DLGAP2: variants seen among roughly 807,000 people sequenced by gnomAD.
DLGAP2 encodes the protein DLG associated protein 2, also known as disks large-associated protein 2.
DLGAP2 carries 26 observed loss-of-function variants against 100.3 expected under a neutral mutation model. That is an observed-to-expected ratio of 0.26 (90% CI 0.19 to 0.36). The LOEUF is 0.36. DLGAP2 is among the 10% of genes least tolerant of loss of function. The pLI is 1.00. For synonymous variants in DLGAP2, 886 were observed against 630.1 expected (o/e 1.41, Z -6.08); for missense variants, 1,858 against 1,453.2 (o/e 1.28, Z -4.53).
At chr8:1,202,459 T>C (rs550592885) in intron 2 of DLGAP2, among the ~76,000 whole-genome samples, 2 of 152,264 alleles carry the variant, frequency 1.3e-5, no homozygotes, top group African/African-American at 4.8e-5. Flanking sequence ...GGGTTTCTTA[T>C]AATGGGGAAT....
intron 2 of DLGAP2, among the ~76,000 whole-genome samples, chr8:1,165,881 C>T (rs1473727601): frequency 2.0e-5 from 3 of 151,872 alleles, no homozygotes; most frequent in Non-Finnish European, 1.5e-5. Context: ...TTCAGGGAGG[C>T]TTCATAGATG....
At chr8:1,566,809 G>T (rs1022272042) in intron 6 of DLGAP2, among the ~76,000 whole-genome samples, 4 of 152,184 alleles carry the variant, frequency 2.6e-5, no homozygotes, top group Non-Finnish European at 4.4e-5. Context: ...TGGCTTACAA[G>T]ATGAAAAAGT....
intron 2 of DLGAP2, among the ~76,000 whole-genome samples, chr8:1,067,604 CGTGTGT>C (rs3220190): frequency 0.2 from 28,526 of 140,264 alleles, 2,886 homozygotes; most frequent in Non-Finnish European, 0.24. Context: ...GGTTGAGTGA[CGTGTGT>C]GTGTGTGTGT....
At chr8:1,507,557 C>G (rs1020335647) in intron 4 of DLGAP2, among the ~76,000 whole-genome samples, 4 of 152,160 alleles carry the variant, frequency 2.6e-5, no homozygotes, top group African/African-American at 7.2e-5. Flanking sequence ...CTCGGCCAGC[C>G]CCCAGGGCAG....
At chr8:875,615 CTCTTT>C (rs1183296839) in intron 1 of DLGAP2, among the ~76,000 whole-genome samples, 1 of 152,192 alleles carries the variant, frequency 6.6e-6, no homozygotes, top group Admixed American at 6.5e-5. Context: ...TCAATTAAAC[CTCTTT>C]TCTTTATAAA....
rs185219811 is a variant in DLGAP2 at position 1,421,457 on chromosome 8, A to G, written c.107-79909A>G. Reference sequence around the variant, plus strand: ...ACATGGAATTAATATACAGGCCAACACAATCTGAAAATGCATAGAATCACT... The same window carrying G: ...ACATGGAATTAATATACAGGCCAACGCAATCTGAAAATGCATAGAATCACT... On this transcript the variant is annotated intron_variant, in intron 3 of 14. Transcript: ENST00000637795. 7.9e-3 allele frequency among the ~76,000 whole-genome samples: 1,205 copies of G among 152,330 alleles called. 6 individuals carry two copies. The highest frequency in any genetic ancestry group is 0.012 in the Non-Finnish European group (783 of 68,026).
At chr8:1,625,220 A>G (rs532363674) in intron 6 of DLGAP2, among the ~76,000 whole-genome samples, 59 of 152,360 alleles carry the variant, frequency 3.9e-4, no homozygotes, top group African/African-American at 1.3e-3. Context: ...TGTTCCTATT[A>G]TCATCCAAAA....
intron 2 of DLGAP2, among the ~76,000 whole-genome samples, chr8:1,102,053 A>G (rs1804603394): frequency 6.6e-6 from 1 of 152,042 alleles, no homozygotes; most frequent in African/African-American, 2.4e-5. Flanking sequence ...GGAACATTCA[A>G]TTCAGGAAAT....
chr8:968,303 C>G (rs530155328), intron 2 of DLGAP2, among the ~76,000 whole-genome samples: 1 of 152,148 alleles, frequency 6.6e-6, no homozygotes, highest in African/African-American at 2.4e-5. Context: ...TTTCAGCTAC[C>G]GACCCACCTA....
chr8:747,303 G>A (rs1820640449), intron 1 of DLGAP2, among the ~76,000 whole-genome samples: 1 of 152,082 alleles, frequency 6.6e-6, no homozygotes, highest in South Asian at 2.1e-4. Context: ...AGCAGACAGG[G>A]AAGGAGAAAC....
At chr8:825,190 G>C (rs550482374) in intron 1 of DLGAP2, among the ~76,000 whole-genome samples, 1 of 152,160 alleles carries the variant, frequency 6.6e-6, no homozygotes. Context: ...GCTACCGTAC[G>C]GCTGTCAGGA....
intron 3 of DLGAP2, among the ~76,000 whole-genome samples, chr8:1,466,090 C>G (rs1798619024): frequency 1.3e-5 from 2 of 152,132 alleles, no homozygotes; most frequent in South Asian, 2.1e-4. Flanking sequence ...GTCTGACATA[C>G]TTTGCATTTT....
chr8:1,444,917 C>T (rs1020308100), intron 3 of DLGAP2, among the ~76,000 whole-genome samples: 5 of 150,690 alleles, frequency 3.3e-5, no homozygotes, highest in Non-Finnish European at 5.9e-5. Context: ...GGATTATAGG[C>T]GTGTGCCCCA....
At chr8:1,511,142 A>G (rs1480635921) in intron 4 of DLGAP2, among the ~76,000 whole-genome samples, 1 of 152,276 alleles carries the variant, frequency 6.6e-6, no homozygotes, top group Non-Finnish European at 1.5e-5. Context: ...ACCATCCTCC[A>G]TGGATGTAAG....
chr8:983,863 C>G (rs1800412374), intron 2 of DLGAP2, among the ~76,000 whole-genome samples: 1 of 152,124 alleles, frequency 6.6e-6, no homozygotes, highest in South Asian at 2.1e-4. Context: ...TGGTCTTGAA[C>G]TCCTAGGCTC....
intron 4 of DLGAP2, among the ~76,000 whole-genome samples, chr8:1,509,263 A>G (rs1451117817): frequency 6.6e-6 from 1 of 151,286 alleles, no homozygotes; most frequent in Non-Finnish European, 1.5e-5. Context: ...CCCCGGAGGC[A>G]GAGATTGCAG....
intron 4 of DLGAP2, among the ~76,000 whole-genome samples, chr8:1,533,191 C>G (rs1801039984): frequency 6.6e-6 from 1 of 151,180 alleles, no homozygotes; most frequent in African/African-American, 2.4e-5. Context: ...GCCTATTTAT[C>G]ATTTGATTTT....
In DLGAP2 at chr8:882,260, CG is replaced by C. The variant is rs539125864; in HGVS notation, c.19-25649del. Among the ~76,000 whole-genome samples, 41 of 152,074 alleles carry C rather than the reference CG, an allele frequency of 2.7e-4. No individual in the cohort carries two copies. The East Asian group carries it at 6.6e-3, about 25-fold the overall frequency. Reference sequence around the variant, plus strand: ...CAGAGATCTGCGGAGGCCTCTCCTGCGGGCACCCGTGCCTGGCCCAGCGGCA... The same window carrying C: ...CAGAGATCTGCGGAGGCCTCTCCTGCGGCACCCGTGCCTGGCCCAGCGGCA... On this transcript the variant is annotated intron_variant, in intron 1 of 14. Coordinates refer to ENST00000637795, the MANE Select transcript of DLGAP2 (RefSeq NM_001346810.2).
intron 3 of DLGAP2, among the ~76,000 whole-genome samples, chr8:1,455,805 C>T (rs1465179689): frequency 6.6e-6 from 1 of 152,244 alleles, no homozygotes; most frequent in Non-Finnish European, 1.5e-5. Context: ...AAGGCACCAC[C>T]TCCTCCCATC....
Sources: gnomAD v4.1 joint callset for allele counts (sites outside exome capture counted in the v4.1 genomes callset) on GRCh38, gnomAD v4.1.1 for gene constraint, MANE v1.5 for transcripts, NCBI Gene and HGNC (gene_info 2026-07-23, HGNC 2026-07-21) for gene names.